Variants in PSD3 observed in about 807,000 individuals in gnomAD.
PSD3 encodes PH and SEC7 domain-containing protein 3.
A neutral mutation model predicts 105.5 loss-of-function variants in PSD3; 49 were observed. The observed-to-expected ratio is 0.46, with a 90% CI of 0.37 to 0.59. The LOEUF (loss-of-function observed/expected upper bound fraction) is 0.59. PSD3 is among the 20% of genes least tolerant of loss of function. The pLI is 0.00. For synonymous variants in PSD3, 557 were observed against 457.8 expected, an observed-to-expected ratio of 1.22 and a Z score of -2.77; for missense variants, 1,561 against 1,263.8, an observed-to-expected ratio of 1.24 and a Z score of -3.57.
chr8:18,818,961 C>T (rs1812459937), intron 4 of PSD3, among the ~76,000 whole-genome samples: 1 of 152,090 alleles, frequency 6.6e-6, no homozygotes, highest in South Asian at 2.1e-4. Flanking sequence ...GCATGTCTGC[C>T]TGTTACATCA....
At chr8:18,770,680 G>C (rs552688068) in intron 8 of PSD3, among the ~76,000 whole-genome samples, 2 of 152,360 alleles carry the variant, frequency 1.3e-5, no homozygotes, top group Non-Finnish European at 2.9e-5. Flanking sequence ...GGGTGCCAGT[G>C]ACCCCTGAAG....
At chr8:18,833,348 A>G (rs1813832971) in intron 4 of PSD3, among the ~76,000 whole-genome samples, 1 of 152,248 alleles carries the variant, frequency 6.6e-6, no homozygotes, top group African/African-American at 2.4e-5. Flanking sequence ...GAAGGCTCAC[A>G]CTGACAGCAC....
chr8:18,637,998 A>T (rs1807390613), intron 10 of PSD3, among the ~76,000 whole-genome samples: 1 of 152,058 alleles, frequency 6.6e-6, no homozygotes, highest in Non-Finnish European at 1.5e-5. Flanking sequence ...TCTACTAAAA[A>T]TACAAATATT....
intron 10 of PSD3, among the ~76,000 whole-genome samples, chr8:18,642,523 A>T (rs1240492916): frequency 6.6e-6 from 1 of 152,140 alleles, no homozygotes; most frequent in African/African-American, 2.4e-5. Flanking sequence ...AAGATTCTCT[A>T]TCCTTAGCAT....
chr8:18,857,918 A>C (rs1160710260), intron 4 of PSD3, among the ~76,000 whole-genome samples: 4 of 152,242 alleles, frequency 2.6e-5, no homozygotes, highest in Non-Finnish European at 5.9e-5. Context: ...AGGCACAGGC[A>C]TAAGAAACAG....
At position 18,970,572 on chromosome 8, in the gene PSD3, C is replaced by T. The variant is rs75347147; in HGVS notation, c.22-34430G>A. On this transcript the variant is annotated intron_variant, in intron 1 of 15. Coordinates refer to ENST00000327040, the MANE Select transcript of PSD3 (RefSeq NM_015310.4). ...AATGCCAACATCCTGGCATGCTCCCCGTCCATCTTCCTTCTCTTAACAGCA... is the reference window on the plus strand; with the variant it reads ...AATGCCAACATCCTGGCATGCTCCCTGTCCATCTTCCTTCTCTTAACAGCA... Among the ~76,000 whole-genome samples, 1,502 of 152,110 alleles carry T rather than the reference C, an allele frequency of 9.9e-3. 36 individuals carry two copies. The highest frequency in any genetic ancestry group is 0.034 in the African/African-American group (1,413 of 41,476).
At chr8:18,602,158 A>G (rs1804484461) in intron 11 of PSD3, among the ~76,000 whole-genome samples, 1 of 152,180 alleles carries the variant, frequency 6.6e-6, no homozygotes, top group Admixed American at 6.5e-5. Context: ...CCCGAGCCCT[A>G]AAACTAATTT....
At chr8:18,992,213 T>A (rs138168800) in intron 1 of PSD3, among the ~76,000 whole-genome samples, 5 of 152,252 alleles carry the variant, frequency 3.3e-5, no homozygotes, top group African/African-American at 7.2e-5. Context: ...CCCAATTGTG[T>A]GCTGAGATCA....
intron 9 of PSD3, among the ~76,000 whole-genome samples, chr8:18,705,408 G>A (rs1801830857): frequency 6.6e-6 from 1 of 151,838 alleles, no homozygotes; most frequent in South Asian, 2.1e-4. Flanking sequence ...TCGTGTGCCT[G>A]TAGTCTTAGC....
intron 7 of PSD3, 130 bp downstream of exon 7, chr8:18,801,140 A>T: frequency 3.6e-6 from 2 of 556,070 alleles, no homozygotes; most frequent in Non-Finnish European, 6.3e-6. Flanking sequence ...AGAATGAAGT[A>T]AACAGAAGTG....
At chr8:18,568,575 A>G (rs576327836) in intron 14 of PSD3, among the ~76,000 whole-genome samples, 7 of 152,248 alleles carry the variant, frequency 4.6e-5, no homozygotes, top group Admixed American at 1.3e-4. Flanking sequence ...TGTCCATTCT[A>G]CACTTTCAAG....
At chr8:18,990,360 T>G (rs527775238) in intron 1 of PSD3, among the ~76,000 whole-genome samples, 12 of 152,310 alleles carry the variant, frequency 7.9e-5, no homozygotes, top group African/African-American at 2.6e-4. Flanking sequence ...CCACCCACTC[T>G]TCCTCACTTG....
chr8:18,857,372 G>C (rs536533198), intron 4 of PSD3, among the ~76,000 whole-genome samples: 9 of 152,146 alleles, frequency 5.9e-5, no homozygotes, highest in Non-Finnish European at 1.2e-4. Context: ...GTATCTGAGA[G>C]ACACATTTCT....
At chr8:18,812,324 T>G (rs898112587) in intron 4 of PSD3, among the ~76,000 whole-genome samples, 8 of 152,158 alleles carry the variant, frequency 5.3e-5, no homozygotes, top group Non-Finnish European at 7.3e-5. Flanking sequence ...GGGAACGACT[T>G]TGTTGTTTAA....
intron 4 of PSD3, among the ~76,000 whole-genome samples, chr8:18,861,377 C>T (rs1816430778): frequency 1.3e-5 from 2 of 152,192 alleles, no homozygotes; most frequent in South Asian, 4.1e-4. Flanking sequence ...GCCCACTCCT[C>T]ACCCTTGAGA....
chr8:18,712,341 G>A (rs1251243014), intron 9 of PSD3, among the ~76,000 whole-genome samples: 1 of 150,962 alleles, frequency 6.6e-6, no homozygotes, highest in Non-Finnish European at 1.5e-5. Flanking sequence ...ATGAATCCCA[G>A]AGCTGGTTTT....
intron 9 of PSD3, among the ~76,000 whole-genome samples, chr8:18,754,939 C>G (rs1805895393): frequency 6.6e-6 from 1 of 152,040 alleles, no homozygotes; most frequent in African/African-American, 2.4e-5. Context: ...CATGGTAGTT[C>G]CACTTATCCT....
chr8:18,870,770 T>TA (rs1563367169), intron 3 of PSD3, among the ~76,000 whole-genome samples: 1 of 152,010 alleles, frequency 6.6e-6, no homozygotes, highest in African/African-American at 2.4e-5. Context: ...AACTGAATTA[T>TA]AAAATCTACT....
intron 4 of PSD3, among the ~76,000 whole-genome samples, chr8:18,819,575 A>ATGTTTT (rs1812511496): frequency 9.0e-6 from 1 of 111,320 alleles, no homozygotes; most frequent in Non-Finnish European, 1.7e-5. Context: ...ATTAGAATGG[A>ATGTTTT]TTTTTTTTTT....
Sources: gnomAD v4.1 joint callset for allele counts (sites outside exome capture counted in the v4.1 genomes callset) on GRCh38, gnomAD v4.1.1 for gene constraint, MANE v1.5 for transcripts, NCBI Gene and HGNC (gene_info 2026-07-23, HGNC 2026-07-21) for gene names.